PCCA: variants seen among roughly 807,000 people sequenced by gnomAD.
The protein encoded by PCCA is propionyl-CoA carboxylase alpha chain, mitochondrial.
A neutral mutation model predicts 101.3 loss-of-function variants in PCCA; 74 were observed. That is an observed-to-expected ratio of 0.73 (90% CI 0.61 to 0.89). PCCA has a LOEUF of 0.89. Among genes scored for constraint, PCCA ranks in the 40% least tolerant of loss-of-function variants. The probability of loss-of-function intolerance (pLI) is 0.00; values close to 1 mark genes in which losing one functional copy is unlikely to be tolerated. For synonymous variants in PCCA, 294 were observed against 313.6 expected (o/e 0.94, Z 0.66); for missense variants, 891 against 907.0 (o/e 0.98, Z 0.23).
At chr13:100,198,914 AT>A (rs55731223) in intron 6 of PCCA, among the ~76,000 whole-genome samples, 5,818 of 143,916 alleles carry the variant, frequency 0.04, 324 homozygotes, top group African/African-American at 0.13. Context: ...GTACTTTACA[AT>A]TTTTTTTTTT....
chr13:100,317,250 T>C (rs1366551974), intron 16 of PCCA, among the ~76,000 whole-genome samples: 1 of 152,218 alleles, frequency 6.6e-6, no homozygotes, highest in Non-Finnish European at 1.5e-5. Context: ...TAGAGTCTTA[T>C]TTTTTCCAGA....
rs983398487 is a variant in PCCA, at chr13:100,159,350, A to G, written c.468+2010A>G. Among the ~76,000 whole-genome samples the G allele has an allele frequency of 2.8e-4, 42 of 152,052 alleles. 1 individual carries two copies. Among genetic ancestry groups the G allele is most frequent in the African/African-American group, 9.6e-4 (40 of 41,492 alleles). ...GTGATCCGCCCACCTCAGCTTCCCA[A>G]AGTGCTGGGATTACAGGCGTGAGCC... On this transcript the variant is annotated intron_variant, in intron 6 of 23. Transcript: ENST00000376285.
intron 21 of PCCA, among the ~76,000 whole-genome samples, chr13:100,495,642 T>C (rs2085221835): frequency 6.6e-6 from 1 of 152,234 alleles, no homozygotes; most frequent in Admixed American, 6.5e-5. Context: ...ATTTGGGAGA[T>C]AGTGTCAGCA....
At chr13:100,206,167 T>C (rs2058838828) in intron 6 of PCCA, among the ~76,000 whole-genome samples, 1 of 152,178 alleles carries the variant, frequency 6.6e-6, no homozygotes, top group Non-Finnish European at 1.5e-5. Context: ...GGGTTTCTTG[T>C]CTAGCATCCT....
intron 21 of PCCA, among the ~76,000 whole-genome samples, chr13:100,478,032 CT>C (rs2083557073): frequency 6.6e-6 from 1 of 152,216 alleles, no homozygotes; most frequent in Non-Finnish European, 1.5e-5. Flanking sequence ...GCCTTTTAGG[CT>C]TTTGTTTCTT....
At chr13:100,126,139 A>G (rs565430790) in intron 4 of PCCA, among the ~76,000 whole-genome samples, 1 of 152,338 alleles carries the variant, frequency 6.6e-6, no homozygotes, top group South Asian at 2.1e-4. Context: ...GTATTTAAAA[A>G]ACACAATCAT....
In PCCA at chr13:100,155,020, A is replaced by G. The variant is rs755759915; in HGVS notation, c.342A>G (p.Pro114=). 2 of 1,614,100 alleles carry G rather than the reference A, an allele frequency of 1.2e-6. No homozygotes were observed. The highest frequency in any genetic ancestry group is 1.1e-5 in the South Asian group (1 of 91,076). Residue 114 remains proline, a synonymous_variant, in exon 5 of 24, where the codon CCA becomes CCG. Transcript: ENST00000376285. ...CGGATGAGGCTGTCTGTGTTGGCCC[A>G]GCTCCCACCAGTAAAAGCTACCTCA... is the stretch of plus-strand genomic sequence containing the variant. ...KMADEAVCVG[P]APTSKSYLNM... is the part of the protein sequence containing the mutation.
chr13:100,099,313 A>ATGTT (rs1566461612), intron 1 of PCCA, among the ~76,000 whole-genome samples: 1 of 144,502 alleles, frequency 6.9e-6, no homozygotes, highest in African/African-American at 2.7e-5. Flanking sequence ...GTGCTATCTA[A>ATGTT]TCTTTTTTTT....
At chr13:100,200,307 T>C (rs2058395028) in intron 6 of PCCA, among the ~76,000 whole-genome samples, 1 of 152,192 alleles carries the variant, frequency 6.6e-6, no homozygotes, top group Non-Finnish European at 1.5e-5. Flanking sequence ...GGTTTCACCA[T>C]GTTAGCTAGA....
At chr13:100,293,279 G>T (rs9300598) in intron 12 of PCCA, 1 of 471,356 alleles carries the variant, frequency 2.1e-6, no homozygotes, top group Middle Eastern at 3.2e-4. Context: ...TTGAAATTCT[G>T]TGAAGGCTAT....
chr13:100,503,227 A>C (rs2085810106), intron 21 of PCCA, among the ~76,000 whole-genome samples: 1 of 152,262 alleles, frequency 6.6e-6, no homozygotes, highest in Non-Finnish European at 1.5e-5. Flanking sequence ...GCAGTGGCTC[A>C]CGCCTGTAAT....
At chr13:100,406,218 T>C (rs2152862291) in intron 19 of PCCA, among the ~76,000 whole-genome samples, 1 of 152,304 alleles carries the variant, frequency 6.6e-6, no homozygotes, top group East Asian at 1.9e-4. Flanking sequence ...AAATAACCAC[T>C]TTCTCCAATT....
chr13:100,110,730 AC>A (rs1438106193), intron 2 of PCCA, among the ~76,000 whole-genome samples: 1 of 152,138 alleles, frequency 6.6e-6, no homozygotes, highest in Non-Finnish European at 1.5e-5. Context: ...TTTGAAAACA[AC>A]TCATGACACT....
Position 100,142,002 on chromosome 13 carries a change from C to T in PCCA, c.301-12977C>T, listed in dbSNP as rs531525736. Among the ~76,000 whole-genome samples, 9 of 152,206 alleles carry T rather than the reference C, an allele frequency of 5.9e-5. No homozygotes were observed. In the South Asian group the frequency reaches 1.2e-3, roughly 21 times the overall value. On this transcript the variant is annotated intron_variant, in intron 4 of 23. Coordinates refer to ENST00000376285, the MANE Select transcript of PCCA (RefSeq NM_000282.4). ...AACTAATGTTTTGGGAAATATGTTT[C>T]GATGACTTTGAGTGTTGGCAATAAT...
chr13:100,304,360 A>G (rs1369192939), intron 14 of PCCA, among the ~76,000 whole-genome samples: 2 of 152,372 alleles, frequency 1.3e-5, no homozygotes, highest in South Asian at 2.1e-4. Flanking sequence ...GAGAGTGCAC[A>G]CTAAGCTTTG....
intron 8 of PCCA, among the ~76,000 whole-genome samples, chr13:100,247,830 T>G (rs2061536623): frequency 6.6e-6 from 1 of 152,186 alleles, no homozygotes; most frequent in South Asian, 2.1e-4. Flanking sequence ...TGTGATGTTT[T>G]TGGATATCTG....
At chr13:100,452,849 A>G (rs2081432696) in intron 21 of PCCA, among the ~76,000 whole-genome samples, 2 of 152,164 alleles carry the variant, frequency 1.3e-5, no homozygotes, top group African/African-American at 4.8e-5. Context: ...GGTTGGGCAA[A>G]TGAATGACTG....
intron 9 of PCCA, among the ~76,000 whole-genome samples, chr13:100,262,493 C>A (rs2062592477): frequency 6.6e-6 from 1 of 152,068 alleles, no homozygotes; most frequent in Admixed American, 6.5e-5. Flanking sequence ...CATCCATGGT[C>A]ACAGAGTTAG....
At chr13:100,176,844 TGA>T (rs776034266) in intron 6 of PCCA, among the ~76,000 whole-genome samples, 1 of 152,228 alleles carries the variant, frequency 6.6e-6, no homozygotes, top group Non-Finnish European at 1.5e-5. Context: ...ATGCAAGTCT[TGA>T]GAATATTAGT....
Sources: allele counts gnomAD v4.1 joint callset (sites outside exome capture counted in the v4.1 genomes callset), GRCh38; gene constraint gnomAD v4.1.1; transcripts MANE v1.5; gene names NCBI Gene and HGNC (gene_info 2026-07-23, HGNC 2026-07-21).